Variants in LDB2 observed in about 807,000 individuals in gnomAD.
LDB2 encodes the protein LIM domain binding 2.
In LDB2, 12 loss-of-function variants were observed where a neutral mutation model predicts 44.3. The ratio of observed to expected loss-of-function variants is 0.27; its 90% CI spans 0.17 to 0.44. LDB2 has a LOEUF of 0.44. Ranked by LOEUF, LDB2 falls within the 20% of genes least tolerant of loss-of-function variation. LDB2 has a pLI of 1.00. For synonymous variants in LDB2, 164 were observed against 174.8 expected (o/e 0.94, Z 0.49); for missense variants, 344 against 473.5 (o/e 0.73, Z 2.54).
At chr4:16,853,819 T>C (rs1247526407) in intron 1 of LDB2, among the ~76,000 whole-genome samples, 1 of 152,166 alleles carries the variant, frequency 6.6e-6, no homozygotes, top group African/African-American at 2.4e-5. Flanking sequence ...GATCTTGCCA[T>C]CTGCTACAGC....
intron 1 of LDB2, among the ~76,000 whole-genome samples, chr4:16,884,730 A>G (rs958905484): frequency 3.3e-5 from 5 of 152,226 alleles, no homozygotes; most frequent in African/African-American, 7.2e-5. Flanking sequence ...GTAGATGTTC[A>G]ATATCCATTA....
intron 1 of LDB2, among the ~76,000 whole-genome samples, chr4:16,764,110 A>G (rs946517923): frequency 3.9e-5 from 6 of 152,140 alleles, no homozygotes. Flanking sequence ...ACTCCAATAC[A>G]TGCTTTTTTG....
intron 2 of LDB2, among the ~76,000 whole-genome samples, chr4:16,626,160 AGAT>A (rs1477734685): frequency 6.6e-6 from 1 of 152,240 alleles, no homozygotes; most frequent in Non-Finnish European, 1.5e-5. Context: ...TGAGAATTAA[AGAT>A]GATAAGTTGT....
rs975396071 is a variant in LDB2, at chr4:16,864,662, C to G, written c.132+33692G>C. Reference sequence around the variant, plus strand: ...CATACCGGTTGGGCGCAGTAGCTCACCCCTGTAATCTTAGCACTTTGGGAG... The same window carrying G: ...CATACCGGTTGGGCGCAGTAGCTCAGCCCTGTAATCTTAGCACTTTGGGAG... On this transcript the variant is annotated intron_variant, in intron 1 of 7. Coordinates refer to ENST00000304523, the MANE Select transcript of LDB2 (RefSeq NM_001290.5). Among the ~76,000 whole-genome samples the G allele has an allele frequency of 2.6e-5, 4 of 152,292 alleles. No individual in the cohort carries two copies. The East Asian group carries it at 5.8e-4, about 22-fold the overall frequency.
intron 2 of LDB2, among the ~76,000 whole-genome samples, chr4:16,705,399 A>G (rs761882246): frequency 6.6e-5 from 10 of 152,176 alleles, no homozygotes; most frequent in Admixed American, 1.3e-4. Flanking sequence ...AGAAGTGAGC[A>G]GGTGCCTGTT....
chr4:16,636,964 T>G (rs1733772856), intron 2 of LDB2, among the ~76,000 whole-genome samples: 1 of 152,142 alleles, frequency 6.6e-6, no homozygotes, highest in Non-Finnish European at 1.5e-5. Flanking sequence ...ATAACAAAAA[T>G]TTTCCAGATA....
chr4:16,833,961 A>G (rs1784482821), intron 1 of LDB2, among the ~76,000 whole-genome samples: 1 of 152,158 alleles, frequency 6.6e-6, no homozygotes, highest in Non-Finnish European at 1.5e-5. Context: ...TCTCTTACCC[A>G]ATGTCCATGG....
At chr4:16,623,369 G>T (rs992327187) in intron 2 of LDB2, among the ~76,000 whole-genome samples, 1 of 152,092 alleles carries the variant, frequency 6.6e-6, no homozygotes, top group South Asian at 2.1e-4. Flanking sequence ...AGACCGAGGC[G>T]GGCGGATTAC....
intron 2 of LDB2, among the ~76,000 whole-genome samples, chr4:16,655,001 G>T (rs1739378003): frequency 6.6e-6 from 1 of 152,102 alleles, no homozygotes; most frequent in Admixed American, 6.5e-5. Flanking sequence ...TTATCCTAGG[G>T]TTTAAGGACG....
chr4:16,615,842 G>C (rs932758548), intron 2 of LDB2, among the ~76,000 whole-genome samples: 3 of 152,184 alleles, frequency 2.0e-5, no homozygotes, highest in African/African-American at 7.2e-5. Context: ...AGTGGGCCAT[G>C]GGGTCAAGAG....
intron 2 of LDB2, among the ~76,000 whole-genome samples, chr4:16,653,335 C>A (rs1478298922): frequency 6.6e-6 from 1 of 152,196 alleles, no homozygotes; most frequent in Non-Finnish European, 1.5e-5. Context: ...AGCAGGTGAA[C>A]TGGGATGAGT....
intron 1 of LDB2, among the ~76,000 whole-genome samples, chr4:16,799,280 C>A (rs1246331662): frequency 6.6e-6 from 1 of 152,236 alleles, no homozygotes; most frequent in African/African-American, 2.4e-5. Context: ...CTCCCCAACT[C>A]ACAATGTGCT....
At chr4:16,827,601 A>G (rs1163828867) in intron 1 of LDB2, among the ~76,000 whole-genome samples, 2 of 152,216 alleles carry the variant, frequency 1.3e-5, no homozygotes, top group Non-Finnish European at 2.9e-5. Context: ...TTGGAAAAAC[A>G]GAAATATACA....
At chr4:16,737,533 C>A (rs1201014200) in intron 2 of LDB2, among the ~76,000 whole-genome samples, 1 of 151,846 alleles carries the variant, frequency 6.6e-6, no homozygotes. Context: ...GTATAAAAAA[C>A]TAAGGCAAAT....
intron 5 of LDB2, among the ~76,000 whole-genome samples, chr4:16,528,328 A>G (rs1453309551): frequency 6.6e-6 from 1 of 152,192 alleles, no homozygotes; most frequent in Non-Finnish European, 1.5e-5. Flanking sequence ...CATGTAACCA[A>G]ATACCACCCG....
intron 2 of LDB2, among the ~76,000 whole-genome samples, chr4:16,688,332 C>G (rs969086801): frequency 6.6e-6 from 1 of 152,298 alleles, no homozygotes; most frequent in African/African-American, 2.4e-5. Flanking sequence ...CAAATTCAGG[C>G]AGGTGCTTAA....
chr4:16,877,493 G>T (rs1008294606), intron 1 of LDB2, among the ~76,000 whole-genome samples: 4 of 152,198 alleles, frequency 2.6e-5, no homozygotes, highest in African/African-American at 9.6e-5. Flanking sequence ...ATAAGAGTTT[G>T]TTAAACTGAT....
intron 2 of LDB2, among the ~76,000 whole-genome samples, chr4:16,608,556 C>G (rs780470026): frequency 1.3e-5 from 2 of 152,208 alleles, no homozygotes; most frequent in Non-Finnish European, 1.5e-5. Flanking sequence ...TCTATGGGTT[C>G]TGAAATGGCC....
intron 1 of LDB2, among the ~76,000 whole-genome samples, chr4:16,836,678 C>T (rs1784931944): frequency 6.6e-6 from 1 of 152,176 alleles, no homozygotes. Flanking sequence ...CCTTCCAAAT[C>T]ATTCATGCCC....
Sources: allele counts gnomAD v4.1 joint callset (sites outside exome capture counted in the v4.1 genomes callset), GRCh38; gene constraint gnomAD v4.1.1; transcripts MANE v1.5; gene names NCBI Gene and HGNC (gene_info 2026-07-23, HGNC 2026-07-21).